The following HCN1 variants were observed in gnomAD, a reference collection of about 807,000 sequenced individuals.
The protein encoded by HCN1 is hyperpolarization activated cyclic nucleotide gated potassium channel 1, also known as potassium/sodium hyperpolarization-activated cyclic nucleotide-gated channel 1.
Under a neutral mutation model 78.9 loss-of-function variants are expected in HCN1, and 13 were observed. The ratio of observed to expected loss-of-function variants is 0.16; its 90% confidence interval spans 0.11 to 0.26. HCN1 has a LOEUF of 0.26. Among genes scored for constraint, HCN1 ranks in the 10% least tolerant of loss-of-function variants. The probability of loss-of-function intolerance (pLI) is 1.00; values close to 1 mark genes in which losing one functional copy is unlikely to be tolerated. For synonymous variants in HCN1, 552 were observed against 455.5 expected (o/e 1.21, Z -2.70); for missense variants, 810 against 1,154.3 (o/e 0.70, Z 4.32).
chr5:45,545,336 T>C (rs866870466), intron 2 of HCN1, among the ~76,000 whole-genome samples: 1 of 152,334 alleles, frequency 6.6e-6, no homozygotes, highest in East Asian at 1.9e-4. Flanking sequence ...CTTTGTAGAT[T>C]CTGGATATTA....
chr5:45,474,413 G>C (rs996521518), intron 2 of HCN1, among the ~76,000 whole-genome samples: 2 of 151,808 alleles, frequency 1.3e-5, no homozygotes, highest in Non-Finnish European at 2.9e-5. Flanking sequence ...TTTTTAAACT[G>C]TAAATTCCCT....
intron 2 of HCN1, among the ~76,000 whole-genome samples, chr5:45,538,917 G>T (rs1412448709): frequency 6.6e-6 from 1 of 152,172 alleles, no homozygotes; most frequent in East Asian, 1.9e-4. Flanking sequence ...TGTGAAATAA[G>T]ATTCCTAAGT....
intron 5 of HCN1, among the ~76,000 whole-genome samples, chr5:45,315,249 G>T (rs182839173): frequency 2.6e-5 from 4 of 152,258 alleles, no homozygotes; most frequent in African/African-American, 9.6e-5. Context: ...TAGAACTCAG[G>T]ATTAAGAAAC....
At chr5:45,536,826 G>T (rs1253459104) in intron 2 of HCN1, among the ~76,000 whole-genome samples, 1 of 152,098 alleles carries the variant, frequency 6.6e-6, no homozygotes, top group East Asian at 1.9e-4. Context: ...TTCAAGAGGT[G>T]GTCAATTTCG....
chr5:45,677,797 GT>G (rs942236570), intron 1 of HCN1, among the ~76,000 whole-genome samples: 2 of 151,788 alleles, frequency 1.3e-5, no homozygotes, highest in African/African-American at 4.8e-5. Context: ...AGAGCCAAGG[GT>G]TTGTTTTAAT....
intron 2 of HCN1, among the ~76,000 whole-genome samples, chr5:45,479,085 C>T (rs1741587685): frequency 6.6e-6 from 1 of 151,440 alleles, no homozygotes; most frequent in Non-Finnish European, 1.5e-5. Context: ...AGAGATCATG[C>T]CACTGCACTC....
chr5:45,302,603 T>C (rs1425130874), intron 6 of HCN1, among the ~76,000 whole-genome samples: 1 of 151,536 alleles, frequency 6.6e-6, no homozygotes, highest in Non-Finnish European at 1.5e-5. Flanking sequence ...GCATTTTTTG[T>C]ACATGTGTAG....
At chr5:45,349,547 G>T (rs1746837927) in intron 5 of HCN1, among the ~76,000 whole-genome samples, 1 of 152,034 alleles carries the variant, frequency 6.6e-6, no homozygotes, top group African/African-American at 2.4e-5. Flanking sequence ...AGGAAATAGA[G>T]ACACAAAAAA....
intron 7 of HCN1, among the ~76,000 whole-genome samples, chr5:45,263,429 G>A (rs547503312): frequency 2.0e-5 from 3 of 152,232 alleles, no homozygotes; most frequent in South Asian, 2.1e-4. Flanking sequence ...GCACATCCTT[G>A]CTATGGAAAA....
intron 2 of HCN1, among the ~76,000 whole-genome samples, chr5:45,632,765 A>C (rs1358690424): frequency 2.0e-5 from 3 of 152,032 alleles, no homozygotes; most frequent in Non-Finnish European, 4.4e-5. Context: ...ATCTATCAAT[A>C]CATGGATTCT....
chr5:45,431,350 T>C (rs555900375), intron 3 of HCN1, among the ~76,000 whole-genome samples: 2 of 152,330 alleles, frequency 1.3e-5, no homozygotes, highest in Admixed American at 1.3e-4. Context: ...CTTTGATGCA[T>C]AGTTTGTAAA....
intron 2 of HCN1, among the ~76,000 whole-genome samples, chr5:45,528,246 A>G (rs1005369575): frequency 2.0e-5 from 3 of 151,904 alleles, no homozygotes; most frequent in Non-Finnish European, 4.4e-5. Context: ...ACTATTACTG[A>G]TGTGTACTTA....
At chr5:45,397,502 T>C (rs925405449) in intron 3 of HCN1, among the ~76,000 whole-genome samples, 1 of 152,010 alleles carries the variant, frequency 6.6e-6, no homozygotes, top group Non-Finnish European at 1.5e-5. Context: ...ATGTATCTTA[T>C]CTAATTTTTG....
intron 6 of HCN1, among the ~76,000 whole-genome samples, chr5:45,283,170 T>A (rs561135573): frequency 6.6e-6 from 1 of 152,146 alleles, no homozygotes; most frequent in Admixed American, 6.5e-5. Context: ...GTATTTTCTA[T>A]CTTTAATCTT....
At chr5:45,591,565 A>C (rs1287302090) in intron 2 of HCN1, among the ~76,000 whole-genome samples, 2 of 152,172 alleles carry the variant, frequency 1.3e-5, no homozygotes, top group African/African-American at 2.4e-5. Context: ...CTCTCTGTAC[A>C]TCTTTTTGGT....
At chr5:45,659,545 G>A (rs1745872850) in intron 1 of HCN1, among the ~76,000 whole-genome samples, 1 of 142,124 alleles carries the variant, frequency 7.0e-6, no homozygotes, top group Non-Finnish European at 1.5e-5. Context: ...CAAAGAAGTT[G>A]AAAACTTTGA....
At chr5:45,590,094 A>T (rs1284022134) in intron 2 of HCN1, among the ~76,000 whole-genome samples, 5 of 152,158 alleles carry the variant, frequency 3.3e-5, no homozygotes, top group Non-Finnish European at 7.4e-5. Context: ...ATTTTTTCAG[A>T]CTCTACAATT....
intron 2 of HCN1, chr5:45,559,656 T>C (rs1423199129): frequency 6.6e-6 from 1 of 152,232 alleles, no homozygotes; most frequent in Non-Finnish European, 1.5e-5. Context: ...TGGAATCTAC[T>C]CATAGTGAAG....
At position 45,513,741 on chromosome 5, in the gene HCN1, C is replaced by T. The variant is rs190484556; in HGVS notation, c.850-51734G>A. ...GAACAGTTTCATCCTGAAACCATTGCCCCACCCCTGACTGTGGAAAAATTG... is the reference window on the plus strand; with the variant it reads ...GAACAGTTTCATCCTGAAACCATTGTCCCACCCCTGACTGTGGAAAAATTG... On this transcript the variant is annotated intron_variant, in intron 2 of 7. Coordinates refer to ENST00000303230, the MANE Select transcript of HCN1 (RefSeq NM_021072.4). Among the ~76,000 whole-genome samples, 405 of 152,216 alleles carry T rather than the reference C, an allele frequency of 2.7e-3. 1 individual carries two copies. The highest frequency in any genetic ancestry group is 9.2e-3 in the African/African-American group (384 of 41,548).
Sources: allele counts gnomAD v4.1 joint callset (sites outside exome capture counted in the v4.1 genomes callset), GRCh38; gene constraint gnomAD v4.1.1; transcripts MANE v1.5; gene names NCBI Gene and HGNC (gene_info 2026-07-23, HGNC 2026-07-21).